The following EVC variants were observed in gnomAD, a reference collection of about 807,000 sequenced individuals.
The protein encoded by EVC is evC complex member EVC.
Under a neutral mutation model 118.9 loss-of-function variants are expected in EVC, and 116 were observed. The observed-to-expected ratio is 0.98, with a 90% confidence interval of 0.84 to 1.14. EVC has a LOEUF of 1.14. Ranked by LOEUF, EVC falls within the 50% of genes most tolerant of loss-of-function variation. The pLI is 0.00. For missense variants in EVC, 1,401 were observed against 1,246.4 expected, an observed-to-expected ratio of 1.12 and a Z score of -1.87; for synonymous variants, 619 against 534.7, an observed-to-expected ratio of 1.16 and a Z score of -2.18.
At chr4:5,786,381 GTTTTA>G (rs1317648306) in intron 12 of EVC, among the ~76,000 whole-genome samples, 1 of 152,174 alleles carries the variant, frequency 6.6e-6, no homozygotes, top group African/African-American at 2.4e-5. Context: ...TGTTTTGAAT[GTTTTA>G]TTTGTTTACT....
At chr4:5,767,175 C>G (rs529175087) in intron 11 of EVC, among the ~76,000 whole-genome samples, 63 of 152,184 alleles carry the variant, frequency 4.1e-4, no homozygotes, top group African/African-American at 1.3e-3. Flanking sequence ...AGGTGTCAGT[C>G]TGCCTGGGCT....
At chr4:5,801,051 A>G (rs60271982) in intron 15 of EVC, among the ~76,000 whole-genome samples, 23 of 152,364 alleles carry the variant, frequency 1.5e-4, no homozygotes, top group East Asian at 1.9e-4. Flanking sequence ...CACATCCCCA[A>G]TGATGGGATG....
downstream of EVC, among the ~76,000 whole-genome samples, chr4:5,816,996 G>A (rs553654872): frequency 2.6e-4 from 40 of 152,280 alleles, no homozygotes; most frequent in African/African-American, 3.4e-4. Flanking sequence ...AGCTGCCTCC[G>A]TCATGCTCTG....
the EVC span, among the ~76,000 whole-genome samples, chr4:5,823,167 C>A: frequency 6.6e-6 from 1 of 152,190 alleles, no homozygotes; most frequent in African/African-American, 2.4e-5. Flanking sequence ...ACCCCACTCC[C>A]TTGGCCTCAT....
chr4:5,768,205 C>G (rs1017613604), intron 11 of EVC, among the ~76,000 whole-genome samples: 6 of 152,032 alleles, frequency 3.9e-5, no homozygotes, highest in African/African-American at 1.2e-4. Context: ...CAGACTGTTC[C>G]AAGATAGTTG....
chr4:5,793,815 C>A, intron 13 of EVC, 98 bp downstream of exon 13: 1 of 878,098 alleles, frequency 1.1e-6, no homozygotes, highest in South Asian at 1.4e-5. Context: ...GCTGACTGCC[C>A]CTCAGCTTCC....
the EVC span, chr4:5,828,398 T>G: frequency 6.6e-7 from 1 of 1,505,586 alleles, no homozygotes; most frequent in Non-Finnish European, 8.9e-7. Context: ...GATGACATTA[T>G]TAACTCTGCA....
rs1162511331 is a variant in EVC, at chr4:5,729,302, C to T, written c.301-5C>T. On this transcript the variant is annotated splice_region_variant and splice_polypyrimidine_tract_variant and intron_variant, in intron 2 of 20. Coordinates refer to ENST00000264956, the MANE Select transcript of EVC (RefSeq NM_153717.3). ...TCCCATGCCGTTTGTGTCTTTCCCT[C>T]CCAGGAATGTGAGCCGCCTTCCAAC... 5.0e-6 allele frequency: 8 copies of T among 1,613,926 alleles called. No individual in the cohort carries two copies. Among genetic ancestry groups the T allele is most frequent in the East Asian group, 4.5e-5 (2 of 44,886 alleles).
intron 2 of EVC, among the ~76,000 whole-genome samples, chr4:5,728,069 T>C (rs1179744297): frequency 6.6e-6 from 1 of 151,962 alleles, no homozygotes; most frequent in African/African-American, 2.4e-5. Context: ...CTTTTTTGGT[T>C]CCATATGAAC....
At chr4:5,806,046 G>A (rs1039121516) in intron 17 of EVC, among the ~76,000 whole-genome samples, 6 of 151,182 alleles carry the variant, frequency 4.0e-5, no homozygotes, top group East Asian at 3.9e-4. Flanking sequence ...CCATCGTCCC[G>A]CCGCCCTTCT....
chr4:5,810,266 G>T, intron 19 of EVC, 73 bp from the exon 20 acceptor site: 1 of 1,145,226 alleles, frequency 8.7e-7, no homozygotes, highest in Non-Finnish European at 1.3e-6. Context: ...AGGCTGGGTT[G>T]GTGTGAGGCT....
chr4:5,760,392 T>C (rs1354876520), intron 11 of EVC, among the ~76,000 whole-genome samples: 1 of 151,968 alleles, frequency 6.6e-6, no homozygotes, highest in Non-Finnish European at 1.5e-5. Context: ...GACAGCCTTT[T>C]AACGTAACAT....
At chr4:5,726,994 C>A (rs1174500915) in intron 2 of EVC, among the ~76,000 whole-genome samples, 2 of 152,006 alleles carry the variant, frequency 1.3e-5, no homozygotes, top group African/African-American at 4.8e-5. Flanking sequence ...GGGTTGGTTC[C>A]AAGTCTTTGC....
rs181652749 is a variant in EVC at position 5,798,889 on chromosome 4, C to T, written c.2304+97C>T. ...GCTCCTTGCCACACCGTTCATGGAG[C>T]TTGTGGCCTAGTAGACTTTGCCTGA... is the stretch of plus-strand genomic sequence containing the variant. On this transcript the variant is annotated intron_variant, in intron 15 of 20. Transcript: ENST00000264956. This position sits in a 1 kb window ranked among gnomAD's most constrained non-coding sequence, Gnocchi z 4.1. 181 of 1,326,802 alleles carry T rather than the reference C, an allele frequency of 1.4e-4. No individual in the cohort carries two copies. The highest frequency in any genetic ancestry group is 9.4e-4 in the Admixed American group (48 of 51,002). 82.2% of individuals were successfully genotyped at this position (1,326,802 alleles called of 1,614,324 possible). A position where few individuals can be genotyped will look rare whatever the true frequency, so the allele number is the denominator to read the frequency against.
At position 5,808,197 on chromosome 4, in the gene EVC, C is replaced by G. The variant is rs60082311; in HGVS notation, c.2562-4C>G. 4.6e-3 allele frequency: 7,192 copies of G among 1,554,030 alleles called. 273 individuals are homozygous for G. The African/African-American group carries it at 0.1, about 22-fold the overall frequency. ...TGCCAGCCTGCCTGCCTTCCTCCCC[C>G]CAGGATGCTGTCCCAGCAGAAGAGG... is the stretch of plus-strand genomic sequence containing the variant. On this transcript the variant is annotated splice_polypyrimidine_tract_variant and splice_region_variant and intron_variant, in intron 17 of 20. Coordinates refer to ENST00000264956, the MANE Select transcript of EVC (RefSeq NM_153717.3).
At chr4:5,767,243 A>G (rs185777594) in intron 11 of EVC, among the ~76,000 whole-genome samples, 18 of 152,114 alleles carry the variant, frequency 1.2e-4, no homozygotes, top group East Asian at 1.2e-3. Context: ...CACTTGAGGA[A>G]GCAGTCTGCC....
chr4:5,737,228 G>A lies in EVC; in HGVS notation c.702+3793G>A, dbSNP rs1727834547. Among the ~76,000 whole-genome samples, 1 of 152,188 alleles carries A rather than the reference G, an allele frequency of 6.6e-6. No homozygotes were observed. The highest frequency in any genetic ancestry group is 1.5e-5 in the Non-Finnish European group (1 of 68,042). On this transcript the variant is annotated intron_variant, in intron 5 of 20. Coordinates refer to ENST00000264956, the MANE Select transcript of EVC (RefSeq NM_153717.3). This position sits in a 1 kb window ranked among gnomAD's most constrained non-coding sequence, Gnocchi z 5.0. ...CTTCAATTCTGTGAGTGCTGAGAGA[G>A]GTGAGGAAGCTGCAGAAGAAAAATT...
chr4:5,793,255 C>A (rs913543027), intron 12 of EVC, among the ~76,000 whole-genome samples: 1 of 151,894 alleles, frequency 6.6e-6, no homozygotes, highest in Non-Finnish European at 1.5e-5. Flanking sequence ...GACAAAGTGG[C>A]GTTAGAGGAA....
intron 15 of EVC, among the ~76,000 whole-genome samples, chr4:5,801,215 ATG>A (rs983684467): frequency 1.4e-4 from 22 of 152,164 alleles, no homozygotes; most frequent in African/African-American, 5.3e-4. Flanking sequence ...TGGCTTTGTG[ATG>A]TGACCGAGGA....
Sources: allele counts gnomAD v4.1 joint callset (sites outside exome capture counted in the v4.1 genomes callset), GRCh38; gene constraint gnomAD v4.1.1; non-coding constraint Gnocchi (gnomAD v3.1); transcripts MANE v1.5; gene names NCBI Gene and HGNC (gene_info 2026-07-23, HGNC 2026-07-21).